RPH3AL: variants seen among roughly 807,000 people sequenced by gnomAD.
RPH3AL encodes the protein rab effector Noc2.
RPH3AL carries 38 observed loss-of-function variants against 43.1 expected under a neutral mutation model. That is an observed-to-expected ratio of 0.88 (90% CI 0.68 to 1.15). The LOEUF is 1.15. RPH3AL is among the 50% of genes most tolerant of loss of function. The pLI is 0.00. For missense variants in RPH3AL, 462 were observed against 423.2 expected, an observed-to-expected ratio of 1.09 and a Z score of -0.81; for synonymous variants, 189 against 176.3, an observed-to-expected ratio of 1.07 and a Z score of -0.57.
Position 225,402 on chromosome 17 carries a change from C to A in RPH3AL, c.614-5666G>T, listed in dbSNP as rs1298724539. Among the ~76,000 whole-genome samples, 1 of 152,124 alleles carries A rather than the reference C, an allele frequency of 6.6e-6. No homozygotes were observed. Among genetic ancestry groups the A allele is most frequent in the East Asian group, 1.9e-4 (1 of 5,186 alleles). On this transcript the variant is annotated intron_variant, in intron 7 of 9. Transcript: ENST00000331302. This position sits in a 1 kb window ranked among gnomAD's most constrained non-coding sequence, Gnocchi z 4.4. ...TGATCATGAATCCACCAAGACTGGA[C>A]CTCATGGGTGTCAGTTTTATAAGCA...
chr17:247,897 G>A (rs1859376561), intron 6 of RPH3AL, among the ~76,000 whole-genome samples: 1 of 152,106 alleles, frequency 6.6e-6, no homozygotes, highest in African/African-American at 2.4e-5. Context: ...ATCTGCCAGT[G>A]ACTGGCACTT....
At chr17:313,951 C>T (rs1221071309) in intron 5 of RPH3AL, among the ~76,000 whole-genome samples, 1 of 152,174 alleles carries the variant, frequency 6.6e-6, no homozygotes, top group Non-Finnish European at 1.5e-5. Flanking sequence ...GATTCCCCGG[C>T]CTCATCACCC....
At chr17:342,524 A>AT (rs2045145848) in intron 1 of RPH3AL, among the ~76,000 whole-genome samples, 1 of 152,278 alleles carries the variant, frequency 6.6e-6, no homozygotes, top group Non-Finnish European at 1.5e-5. Flanking sequence ...TTATTTGGCT[A>AT]TAAAAAGGAA....
chr17:309,573 G>GCCAGCCC (rs2043589320), intron 5 of RPH3AL, among the ~76,000 whole-genome samples: 9 of 67,116 alleles, frequency 1.3e-4, no homozygotes, highest in African/African-American at 3.6e-4. Context: ...CACGTCCCCT[G>GCCAGCCC]CCCTGCCCCA....
At chr17:316,947 C>G (rs1555520887) in intron 5 of RPH3AL, among the ~76,000 whole-genome samples, 1 of 142,584 alleles carries the variant, frequency 7.0e-6, no homozygotes, top group African/African-American at 2.7e-5. Context: ...CCTCCATTGA[C>G]CTGTAGTCTC....
intron 7 of RPH3AL, among the ~76,000 whole-genome samples, chr17:230,966 G>A (rs529283336): frequency 4.6e-5 from 7 of 152,192 alleles, no homozygotes; most frequent in Non-Finnish European, 8.8e-5. Context: ...GATCACAGGC[G>A]TGAGCCATGG....
At chr17:300,905 C>G (rs1462323475) in intron 5 of RPH3AL, among the ~76,000 whole-genome samples, 1 of 151,830 alleles carries the variant, frequency 6.6e-6, no homozygotes, top group Non-Finnish European at 1.5e-5. Flanking sequence ...CCTGCAGAAG[C>G]TCTCACCCAC....
In RPH3AL at chr17:352,766, C is replaced by T. The variant is rs2045380003; in HGVS notation, c.-267G>A. On this transcript the variant is annotated 5_prime_UTR_variant, in exon 1 of 10. Coordinates refer to ENST00000331302, the MANE Select transcript of RPH3AL (RefSeq NM_006987.4). ...CCCCACCAGGGAGGAGGAGGCCGCT[C>T]TCCCTCCCACCACCGTTGTCGGGGG... 1 of 152,202 alleles carries T rather than the reference C, an allele frequency of 6.6e-6. No homozygotes were observed. 9.4% of individuals were successfully genotyped at this position (152,202 alleles called of 1,614,324 possible).
At chr17:242,281 G>C (rs1209890869) in intron 7 of RPH3AL, among the ~76,000 whole-genome samples, 4 of 130,564 alleles carry the variant, frequency 3.1e-5, no homozygotes, top group Admixed American at 8.0e-5. Flanking sequence ...TTCCTCTATT[G>C]ACTACCTTCC....
At chr17:301,759 G>A (rs2043334276) in intron 5 of RPH3AL, among the ~76,000 whole-genome samples, 2 of 152,098 alleles carry the variant, frequency 1.3e-5, no homozygotes, top group South Asian at 4.1e-4. Flanking sequence ...GTCCTGAGCC[G>A]AGCTGTGACC....
Position 328,316 on chromosome 17 carries a change from C to T in RPH3AL, c.-36-737G>A, listed in dbSNP as rs139638679. Among the ~76,000 whole-genome samples the T allele has an allele frequency of 2.0e-3, 300 of 150,902 alleles. No homozygotes were observed. The highest frequency in any genetic ancestry group is 3.1e-3 in the Non-Finnish European group (208 of 67,746). ...TCTTTGGTGGTCTGAGGATGCCACG[C>T]GTGCATTCTGAAGGGAGTGTGGGAT... On this transcript the variant is annotated intron_variant, in intron 2 of 9. Coordinates refer to ENST00000331302, the MANE Select transcript of RPH3AL (RefSeq NM_006987.4). The surrounding 1 kb of genome is among the most constrained non-coding windows in gnomAD (Gnocchi z 4.2).
chr17:331,695 C>A, intron 2 of RPH3AL: 1 of 1,287,906 alleles, frequency 7.8e-7, no homozygotes, highest in Non-Finnish European at 1.0e-6. Flanking sequence ...AGCCGACCCC[C>A]ATGCCCGGCA....
intron 5 of RPH3AL, among the ~76,000 whole-genome samples, chr17:316,582 G>A (rs1202023801): frequency 5.6e-5 from 8 of 142,756 alleles, no homozygotes; most frequent in African/African-American, 1.1e-4. Flanking sequence ...CACCTCCATT[G>A]ACCTGTAGTC....
chr17:290,055 G>A lies in RPH3AL; in HGVS notation c.352-8201C>T, dbSNP rs1283167811. Among the ~76,000 whole-genome samples, 2 of 152,176 alleles carry A rather than the reference G, an allele frequency of 1.3e-5. No individual in the cohort carries two copies. The highest frequency in any genetic ancestry group is 4.8e-5 in the African/African-American group (2 of 41,448). On this transcript the variant is annotated intron_variant, in intron 5 of 9. Coordinates refer to ENST00000331302, the MANE Select transcript of RPH3AL (RefSeq NM_006987.4). This position sits in a 1 kb window ranked among gnomAD's most constrained non-coding sequence, Gnocchi z 4.2. Reference sequence around the variant, plus strand: ...CCTGTGCCCGGCACAGTGACTATTTGCAGAAGAACGGATTGAACAAATGGA... The same window carrying A: ...CCTGTGCCCGGCACAGTGACTATTTACAGAAGAACGGATTGAACAAATGGA...
chr17:272,505 A>C (rs2042491204), intron 6 of RPH3AL, among the ~76,000 whole-genome samples: 1 of 150,168 alleles, frequency 6.7e-6, no homozygotes, highest in Non-Finnish European at 1.5e-5. Context: ...TATCGCAAGG[A>C]CAGAAAACCA....
At chr17:261,153 TC>T (rs1361734584) in intron 6 of RPH3AL, among the ~76,000 whole-genome samples, 1 of 152,164 alleles carries the variant, frequency 6.6e-6, no homozygotes, top group African/African-American at 2.4e-5. Flanking sequence ...CTTAAGTAAC[TC>T]AAGTTACTTA....
intron 6 of RPH3AL, among the ~76,000 whole-genome samples, chr17:272,526 G>A (rs1246100902): frequency 2.8e-5 from 4 of 144,750 alleles, no homozygotes; most frequent in Non-Finnish European, 4.5e-5. Context: ...AACACCGCAT[G>A]TTCTCACTCA....
chr17:220,300 A>C (rs1047360210), intron 7 of RPH3AL, among the ~76,000 whole-genome samples: 68 of 151,734 alleles, frequency 4.5e-4, no homozygotes, highest in Admixed American at 2.7e-3. Flanking sequence ...CCACTCACTG[A>C]GACAATAGGC....
intron 5 of RPH3AL, among the ~76,000 whole-genome samples, chr17:315,374 C>T (rs1555519844): frequency 6.6e-6 from 1 of 152,020 alleles, no homozygotes; most frequent in Admixed American, 6.5e-5. Context: ...ACCTGTAGTC[C>T]CTGTGCCCCA....
Sources: allele counts gnomAD v4.1 joint callset (sites outside exome capture counted in the v4.1 genomes callset), GRCh38; gene constraint gnomAD v4.1.1; non-coding constraint Gnocchi (gnomAD v3.1); transcripts MANE v1.5; gene names NCBI Gene and HGNC (gene_info 2026-07-23, HGNC 2026-07-21).